The following IGSF21 variants were observed in gnomAD, a reference collection of about 807,000 sequenced individuals.
IGSF21 encodes immunoglobin superfamily member 21.
IGSF21 carries 28 observed loss-of-function variants against 46.8 expected under a neutral mutation model. That is an observed-to-expected ratio of 0.60 (90% CI 0.44 to 0.82). IGSF21 has a LOEUF of 0.82. IGSF21 is among the 40% of genes least tolerant of loss of function. The pLI is 0.00. For missense variants in IGSF21, 624 were observed against 665.5 expected (o/e 0.94, Z 0.69); for synonymous variants, 284 against 273.6 (o/e 1.04, Z -0.38).
Position 18,335,048 on chromosome 1 carries a change from G to A in IGSF21, c.424+38G>A. The A allele has an allele frequency of 1.3e-6, 2 of 1,492,920 alleles. No homozygotes were observed. The highest frequency in any genetic ancestry group is 1.9e-6 in the Non-Finnish European group (2 of 1,069,584). 92.5% of individuals were successfully genotyped at this position (1,492,920 alleles called of 1,614,324 possible). On this transcript the variant is annotated intron_variant, in intron 4 of 9. Transcript: ENST00000251296. This position sits in a 1 kb window ranked among gnomAD's most constrained non-coding sequence, Gnocchi z 4.8. ...CCACTGGCCCCTGGTGTCTCAGTGAGGAGGACGAGTATGCTTGAGTGTGTG... is the reference window on the plus strand; with the variant it reads ...CCACTGGCCCCTGGTGTCTCAGTGAAGAGGACGAGTATGCTTGAGTGTGTG...
intron 3 of IGSF21, among the ~76,000 whole-genome samples, chr1:18,326,793 G>A (rs961859494): frequency 3.9e-5 from 6 of 152,098 alleles, no homozygotes; most frequent in African/African-American, 1.4e-4. Flanking sequence ...ACTGAATTTG[G>A]GCTTGCTCCC....
At chr1:18,352,971 G>T (rs951949608) in intron 4 of IGSF21, among the ~76,000 whole-genome samples, 1 of 152,004 alleles carries the variant, frequency 6.6e-6, no homozygotes, top group Non-Finnish European at 1.5e-5. Flanking sequence ...CCCACCCCTC[G>T]CCACTGCACC....
chr1:18,218,774 G>A (rs549994689), intron 1 of IGSF21, among the ~76,000 whole-genome samples: 11 of 152,336 alleles, frequency 7.2e-5, no homozygotes, highest in Non-Finnish European at 1.2e-4. Flanking sequence ...GGCACAGATG[G>A]TTGAAGTATC....
intron 2 of IGSF21, among the ~76,000 whole-genome samples, chr1:18,273,459 T>TCA (rs2085067356): frequency 3.5e-5 from 2 of 56,452 alleles, no homozygotes; most frequent in Non-Finnish European, 3.4e-5. Flanking sequence ...TCTTTCTTTC[T>TCA]CTCTCTTTCT....
chr1:18,359,715 G>T (rs1006985438), intron 4 of IGSF21, among the ~76,000 whole-genome samples: 7 of 152,330 alleles, frequency 4.6e-5, no homozygotes, highest in African/African-American at 1.7e-4. Flanking sequence ...AACTGCAGAG[G>T]TCACTGATCT....
intron 1 of IGSF21, among the ~76,000 whole-genome samples, chr1:18,125,049 G>A (rs112885495): frequency 2.0e-5 from 3 of 152,198 alleles, no homozygotes; most frequent in African/African-American, 7.2e-5. Flanking sequence ...ACTGTGCAAC[G>A]TTCTGGGAAG....
chr1:18,295,513 G>C (rs2085304058), intron 3 of IGSF21, among the ~76,000 whole-genome samples: 1 of 152,202 alleles, frequency 6.6e-6, no homozygotes, highest in African/African-American at 2.4e-5. Flanking sequence ...GGGGCAAGTG[G>C]GGTGCAGTAC....
intron 1 of IGSF21, among the ~76,000 whole-genome samples, chr1:18,195,506 G>C (rs2124478972): frequency 6.6e-6 from 1 of 152,252 alleles, no homozygotes; most frequent in African/African-American, 2.4e-5. Context: ...CTAGCACAGA[G>C]ACCACCATCC....
chr1:18,335,064 TGAGTGTGTGAATGTGCGCACA>T lies in IGSF21; in HGVS notation c.424+60_424+80del. On this transcript the variant is annotated intron_variant, in intron 4 of 9. Transcript: ENST00000251296. The surrounding 1 kb of genome is among the most constrained non-coding windows in gnomAD (Gnocchi z 4.8). The stretch of plus-strand genomic sequence containing the variant: ...TCTCAGTGAGGAGGACGAGTATGCT[TGAGTGTGTGAATGTGCGCACA>T]GAGTGGCCATCCTGGGGGCCATCCA... 1.4e-6 allele frequency: 2 copies of T among 1,391,738 alleles called. No homozygotes were observed. The highest frequency in any genetic ancestry group is 2.0e-6 in the Non-Finnish European group (2 of 977,964). 86.2% of individuals were successfully genotyped at this position (1,391,738 alleles called of 1,614,324 possible).
At chr1:18,251,029 G>A (rs917751966) in intron 2 of IGSF21, among the ~76,000 whole-genome samples, 16 of 152,098 alleles carry the variant, frequency 1.1e-4, no homozygotes, top group African/African-American at 3.9e-4. Flanking sequence ...AGTTAGCCAA[G>A]CAAAGACCTG....
chr1:18,324,474 C>T (rs2085638429), intron 3 of IGSF21, among the ~76,000 whole-genome samples: 1 of 152,206 alleles, frequency 6.6e-6, no homozygotes, highest in South Asian at 2.1e-4. Flanking sequence ...GCCCCCATTT[C>T]CCAGAACCTT....
chr1:18,268,842 C>T (rs1389253517), intron 2 of IGSF21, among the ~76,000 whole-genome samples: 1 of 152,198 alleles, frequency 6.6e-6, no homozygotes, highest in African/African-American at 2.4e-5. Flanking sequence ...TTATGTCCCA[C>T]ATGTGACACC....
chr1:18,309,077 C>T (rs544661653), intron 3 of IGSF21, among the ~76,000 whole-genome samples: 2 of 152,150 alleles, frequency 1.3e-5, no homozygotes, highest in Admixed American at 6.5e-5. Flanking sequence ...TGCATACCCC[C>T]ATACTCCCCG....
chr1:18,217,633 C>T (rs895656359), intron 1 of IGSF21, among the ~76,000 whole-genome samples: 8 of 152,200 alleles, frequency 5.3e-5, no homozygotes, highest in African/African-American at 1.9e-4. Context: ...TAGCAGGGTG[C>T]TTGACCCTGC....
At chr1:18,128,150 G>T (rs2086289331) in intron 1 of IGSF21, among the ~76,000 whole-genome samples, 1 of 152,158 alleles carries the variant, frequency 6.6e-6, no homozygotes, top group Non-Finnish European at 1.5e-5. Flanking sequence ...CCTGGGAGGT[G>T]GTTCTGAACA....
chr1:18,192,389 TG>T (rs765649186), intron 1 of IGSF21, among the ~76,000 whole-genome samples: 8 of 152,226 alleles, frequency 5.3e-5, no homozygotes, highest in Non-Finnish European at 1.0e-4. Flanking sequence ...ATCTGCAAGA[TG>T]GGAATAAGAC....
intron 2 of IGSF21, among the ~76,000 whole-genome samples, chr1:18,273,440 TTCTCACTTTCTTTCTTTC>T (rs2085065878): frequency 8.5e-6 from 1 of 118,144 alleles, no homozygotes; most frequent in Non-Finnish European, 1.7e-5. Flanking sequence ...CTTTCTTTCT[TTCTCACTTTCTTTCTTTC>T]TCTCTCTTTC....
chr1:18,292,073 A>C, intron 3 of IGSF21, 86 bp downstream of exon 3: 1 of 1,376,640 alleles, frequency 7.3e-7, no homozygotes. Flanking sequence ...CAGCCCTTTC[A>C]CATCAATCCC....
chr1:18,254,883 CAT>C lies in IGSF21; in HGVS notation c.183+26874_183+26875del, dbSNP rs1252013264. On this transcript the variant is annotated intron_variant, in intron 2 of 9. Transcript: ENST00000251296. ...TCATCCATCCATCCATCCATCCATC[CAT>C]CCATCCCTCCATTCATCCAGCACTT... Among the ~76,000 whole-genome samples the C allele has an allele frequency of 4.8e-3, 733 of 152,278 alleles. 11 individuals carry two copies. The highest frequency in any genetic ancestry group is 0.017 in the African/African-American group (695 of 41,554).
Sources: allele counts gnomAD v4.1 joint callset (sites outside exome capture counted in the v4.1 genomes callset), GRCh38; gene constraint gnomAD v4.1.1; non-coding constraint Gnocchi (gnomAD v3.1); transcripts MANE v1.5; gene names NCBI Gene and HGNC (gene_info 2026-07-23, HGNC 2026-07-21).